GNAZ: variants seen among roughly 807,000 people sequenced by gnomAD.
The protein encoded by GNAZ is guanine nucleotide-binding protein G(z) subunit alpha.
In GNAZ, 3 loss-of-function variants were observed where a neutral mutation model predicts 25.4. That is an observed-to-expected ratio of 0.12 (90% CI 0.05 to 0.30). The LOEUF (loss-of-function observed/expected upper bound fraction) is 0.30. GNAZ is among the 10% of genes least tolerant of loss of function. The pLI is 1.00. For missense variants in GNAZ, 241 were observed against 501.8 expected (o/e 0.48, Z 4.97); for synonymous variants, 211 against 205.7 (o/e 1.03, Z -0.22).
intron 1 of GNAZ, among the ~76,000 whole-genome samples, chr22:23,082,680 G>T (rs1292079136): frequency 6.6e-6 from 1 of 152,102 alleles, no homozygotes; most frequent in African/African-American, 2.4e-5. Context: ...CGGCAGGCCA[G>T]CCTGGAAGCC....
rs962096545 is a variant in GNAZ, at chr22:23,071,359, T to C, written c.-450+789T>C. On this transcript the variant is annotated intron_variant, in intron 1 of 2. Transcript: ENST00000615612. The surrounding 1 kb of genome is among the most constrained non-coding windows in gnomAD (Gnocchi z 4.1). ...CCTAGGCCGAGAATGGGGGCTCCTG[T>C]TAACTGAGACAAGAGGATGATGCCA... Among the ~76,000 whole-genome samples, 2 of 152,054 alleles carry C rather than the reference T, an allele frequency of 1.3e-5. No individual in the cohort carries two copies. The highest frequency in any genetic ancestry group is 2.9e-5 in the Non-Finnish European group (2 of 67,978).
intron 2 of GNAZ, among the ~76,000 whole-genome samples, chr22:23,121,477 C>T (rs2070022173): frequency 6.6e-6 from 1 of 152,188 alleles, no homozygotes; most frequent in Non-Finnish European, 1.5e-5. Context: ...CAAGCCAGAG[C>T]ACCTGGTTGT....
chr22:23,101,865 C>A lies in GNAZ; in HGVS notation c.723+5447C>A, dbSNP rs143086954. Among the ~76,000 whole-genome samples the A allele has an allele frequency of 2.2e-4, 34 of 152,330 alleles. No individual in the cohort carries two copies. The East Asian group carries it at 6.6e-3, about 29-fold the overall frequency. ...ACAGAGGACCAAGCCCACAGCAGCACCCTGATGGCACCTCGCATGGCAGGC... is the reference window on the plus strand; with the variant it reads ...ACAGAGGACCAAGCCCACAGCAGCAACCTGATGGCACCTCGCATGGCAGGC... On this transcript the variant is annotated intron_variant, in intron 2 of 2. Transcript: ENST00000615612.
At chr22:23,116,118 C>T (rs1569184388) in intron 2 of GNAZ, among the ~76,000 whole-genome samples, 1 of 152,258 alleles carries the variant, frequency 6.6e-6, no homozygotes, top group South Asian at 2.1e-4. Flanking sequence ...TCTGTGTGTG[C>T]GTTTGCCTGG....
intron 2 of GNAZ, among the ~76,000 whole-genome samples, chr22:23,114,625 G>A (rs1192103680): frequency 2.0e-5 from 3 of 152,190 alleles, no homozygotes; most frequent in Admixed American, 2.0e-4. Flanking sequence ...TGGGTGTGGG[G>A]ACTAAGCTGT....
intron 2 of GNAZ, among the ~76,000 whole-genome samples, chr22:23,103,365 G>A (rs1039703781): frequency 1.3e-5 from 2 of 152,172 alleles, no homozygotes; most frequent in Non-Finnish European, 2.9e-5. Context: ...GGCGGGGAGA[G>A]TCTGCCAGCC....
At chr22:23,111,342 A>C (rs1326362550) in intron 2 of GNAZ, among the ~76,000 whole-genome samples, 1 of 152,202 alleles carries the variant, frequency 6.6e-6, no homozygotes, top group Non-Finnish European at 1.5e-5. Context: ...CTCCAAGCCC[A>C]GGCCAGGGGA....
chr22:23,089,718 G>A (rs1005109085), intron 1 of GNAZ, among the ~76,000 whole-genome samples: 1 of 152,212 alleles, frequency 6.6e-6, no homozygotes, highest in African/African-American at 2.4e-5. Flanking sequence ...GGATGTCCAT[G>A]TGTGGGCTGA....
At chr22:23,099,880 G>T (rs1245200269) in intron 2 of GNAZ, among the ~76,000 whole-genome samples, 1 of 152,264 alleles carries the variant, frequency 6.6e-6, no homozygotes, top group Non-Finnish European at 1.5e-5. Context: ...AGGCACCTGA[G>T]GGGGTAGGTG....
chr22:23,109,876 C>A (rs56967548), intron 2 of GNAZ, among the ~76,000 whole-genome samples: 2,637 of 152,326 alleles, frequency 0.017, 80 homozygotes, highest in African/African-American at 0.059. Flanking sequence ...ACCAGCCCCC[C>A]ACCTCTCAGT....
intron 2 of GNAZ, among the ~76,000 whole-genome samples, chr22:23,116,898 C>T (rs1476764137): frequency 1.3e-5 from 2 of 152,184 alleles, no homozygotes; most frequent in African/African-American, 4.8e-5. Flanking sequence ...GGGAGGGGGA[C>T]AGGCCCCTGG....
At chr22:23,117,771 G>C (rs533710549) in intron 2 of GNAZ, among the ~76,000 whole-genome samples, 1 of 152,362 alleles carries the variant, frequency 6.6e-6, no homozygotes, top group South Asian at 2.1e-4. Flanking sequence ...CCAAGGTGCA[G>C]CATGCACCGG....
At chr22:23,090,297 C>G (rs1217797586) in intron 1 of GNAZ, among the ~76,000 whole-genome samples, 1 of 152,106 alleles carries the variant, frequency 6.6e-6, no homozygotes, top group East Asian at 1.9e-4. Flanking sequence ...TCTCCCTGTT[C>G]CCACCCAGCC....
At chr22:23,079,896 A>C (rs1008002474) in intron 1 of GNAZ, among the ~76,000 whole-genome samples, 4 of 152,146 alleles carry the variant, frequency 2.6e-5, no homozygotes, top group African/African-American at 7.2e-5. Flanking sequence ...TAGGTCCCCA[A>C]GGTAGGGGAT....
At chr22:23,112,541 G>A (rs939821307) in intron 2 of GNAZ, among the ~76,000 whole-genome samples, 3 of 152,178 alleles carry the variant, frequency 2.0e-5, no homozygotes, top group Non-Finnish European at 4.4e-5. Flanking sequence ...AGGGCGAGAT[G>A]GACACTTAGC....
intron 2 of GNAZ, among the ~76,000 whole-genome samples, chr22:23,103,333 A>G (rs1191243977): frequency 6.6e-6 from 1 of 152,152 alleles, no homozygotes; most frequent in Non-Finnish European, 1.5e-5. Flanking sequence ...CCAGTGCACC[A>G]CAGCCAGTGA....
intron 1 of GNAZ, among the ~76,000 whole-genome samples, chr22:23,073,764 A>G (rs1353015028): frequency 6.6e-6 from 1 of 152,190 alleles, no homozygotes; most frequent in Non-Finnish European, 1.5e-5. Context: ...GCTAACATTT[A>G]CCAGCGCCTG....
intron 2 of GNAZ, among the ~76,000 whole-genome samples, chr22:23,109,318 G>C (rs1218050415): frequency 6.6e-6 from 1 of 152,114 alleles, no homozygotes; most frequent in Non-Finnish European, 1.5e-5. Flanking sequence ...CAGAGGCCAG[G>C]GTGGGCCTGC....
At chr22:23,084,438 G>A (rs2068761882) in intron 1 of GNAZ, among the ~76,000 whole-genome samples, 1 of 152,086 alleles carries the variant, frequency 6.6e-6, no homozygotes, top group Non-Finnish European at 1.5e-5. Context: ...GCAGGTTGGG[G>A]GAAGTCAACA....
Sources: gnomAD v4.1 joint callset for allele counts (sites outside exome capture counted in the v4.1 genomes callset) on GRCh38, gnomAD v4.1.1 for gene constraint, Gnocchi (gnomAD v3.1) non-coding constraint, MANE v1.5 for transcripts, NCBI Gene and HGNC (gene_info 2026-07-23, HGNC 2026-07-21) for gene names.